The following PPARGC1B variants were observed in gnomAD, a reference collection of about 807,000 sequenced individuals.
The protein encoded by PPARGC1B is peroxisome proliferator-activated receptor gamma coactivator 1-beta.
PPARGC1B carries 34 observed loss-of-function variants against 101.6 expected under a neutral mutation model. The ratio of observed to expected loss-of-function variants is 0.33; its 90% CI spans 0.25 to 0.45. PPARGC1B has a LOEUF of 0.45. Among genes scored for constraint, PPARGC1B ranks in the 20% least tolerant of loss-of-function variants. The pLI is 1.00. For synonymous variants in PPARGC1B, 548 were observed against 539.3 expected, an observed-to-expected ratio of 1.02 and a Z score of -0.22; for missense variants, 1,234 against 1,317.6, an observed-to-expected ratio of 0.94 and a Z score of 0.98.
chr5:149,732,317 C>G (rs571933585), intron 1 of PPARGC1B, among the ~76,000 whole-genome samples: 1 of 152,188 alleles, frequency 6.6e-6, no homozygotes, highest in African/African-American at 2.4e-5. Flanking sequence ...CCTGGGGCGT[C>G]TCCGAATCTC....
intron 11 of PPARGC1B, 114 bp downstream of exon 11, chr5:149,846,028 C>A (rs1435476893): frequency 3.2e-6 from 4 of 1,248,938 alleles, no homozygotes; most frequent in Non-Finnish European, 4.6e-6. Flanking sequence ...TCCATCCCCA[C>A]ACCCCAGTGT....
At chr5:149,795,456 G>A (rs182047581) in intron 1 of PPARGC1B, among the ~76,000 whole-genome samples, 6 of 152,270 alleles carry the variant, frequency 3.9e-5, no homozygotes, top group South Asian at 2.1e-4. Flanking sequence ...AATCCCAGAC[G>A]TCTAGTCTCA....
intron 1 of PPARGC1B, chr5:149,772,023 G>T: frequency 6.7e-7 from 1 of 1,486,144 alleles, no homozygotes; most frequent in South Asian, 1.3e-5. Flanking sequence ...TCAGAGAAGT[G>T]AAGGTTTCCA....
At chr5:149,809,687 TAAAAAAAAAA>T (rs35168335) in intron 1 of PPARGC1B, among the ~76,000 whole-genome samples, 4 of 109,230 alleles carry the variant, frequency 3.7e-5, no homozygotes, top group African/African-American at 1.0e-4. Flanking sequence ...GATCCTTTCT[TAAAAAAAAAA>T]AAAAAAAAAA....
chr5:149,835,832 C>G (rs1231776045), intron 7 of PPARGC1B, among the ~76,000 whole-genome samples: 1 of 152,174 alleles, frequency 6.6e-6, no homozygotes, highest in South Asian at 2.1e-4. Context: ...TGGAGGATTC[C>G]CAGCCTACCT....
chr5:149,805,056 C>T (rs929713034), intron 1 of PPARGC1B, among the ~76,000 whole-genome samples: 1 of 152,204 alleles, frequency 6.6e-6, no homozygotes, highest in Non-Finnish European at 1.5e-5. Context: ...AAGCCCTGCC[C>T]CTCTTGATGG....
intron 1 of PPARGC1B, among the ~76,000 whole-genome samples, chr5:149,732,144 C>T (rs1325872056): frequency 6.6e-6 from 1 of 152,076 alleles, no homozygotes; most frequent in East Asian, 1.9e-4. Flanking sequence ...CTCCCGCCGT[C>T]GTCGCCGGGC....
At chr5:149,783,078 G>A (rs182609356) in intron 1 of PPARGC1B, among the ~76,000 whole-genome samples, 31 of 128,812 alleles carry the variant, frequency 2.4e-4, no homozygotes, top group Admixed American at 2.2e-3. Context: ...ATGTCACACT[G>A]GAATGAGAGA....
chr5:149,743,209 G>T (rs1410141771), intron 1 of PPARGC1B, among the ~76,000 whole-genome samples: 1 of 148,840 alleles, frequency 6.7e-6, no homozygotes, highest in Non-Finnish European at 1.5e-5. Context: ...AGGCTGGAGT[G>T]CAGTGGTGTG....
At chr5:149,769,198 T>G (rs1398292929) in intron 1 of PPARGC1B, among the ~76,000 whole-genome samples, 1 of 152,210 alleles carries the variant, frequency 6.6e-6, no homozygotes, top group Non-Finnish European at 1.5e-5. Context: ...GCTGCTGATC[T>G]TACAGGAGGT....
chr5:149,845,727 C>T, intron 10 of PPARGC1B, 33 bp from the exon 11 acceptor site: 1 of 1,568,236 alleles, frequency 6.4e-7, no homozygotes, highest in South Asian at 1.2e-5. Flanking sequence ...CCAGCCAGCC[C>T]AATAACATAC....
intron 1 of PPARGC1B, among the ~76,000 whole-genome samples, chr5:149,761,856 G>T (rs1484628220): frequency 3.3e-5 from 5 of 152,156 alleles, no homozygotes; most frequent in Admixed American, 3.3e-4. Flanking sequence ...GTGTTATCCC[G>T]TGGACATGTG....
intron 1 of PPARGC1B, among the ~76,000 whole-genome samples, chr5:149,754,381 A>G (rs1755430062): frequency 6.6e-6 from 1 of 152,076 alleles, no homozygotes; most frequent in African/African-American, 2.4e-5. Flanking sequence ...TCCAGACCTG[A>G]CTGCCTACCC....
intron 1 of PPARGC1B, among the ~76,000 whole-genome samples, chr5:149,811,285 T>A (rs1757849398): frequency 6.6e-6 from 1 of 152,236 alleles, no homozygotes; most frequent in Non-Finnish European, 1.5e-5. Context: ...GCAGTCTGAG[T>A]GCTGAATCTT....
intron 1 of PPARGC1B, among the ~76,000 whole-genome samples, chr5:149,794,825 A>G (rs1380730323): frequency 6.6e-6 from 1 of 152,230 alleles, no homozygotes; most frequent in Non-Finnish European, 1.5e-5. Context: ...TGTCTGCCCA[A>G]CACCTGCCCT....
Position 149,832,554 on chromosome 5 carries a change from A to G in PPARGC1B, c.583-102A>G. 2 of 954,470 alleles carry G rather than the reference A, an allele frequency of 2.1e-6. No individual in the cohort carries two copies. The highest frequency in any genetic ancestry group is 3.1e-6 in the Non-Finnish European group (2 of 644,100). The allele number at this position is 954,470 out of a possible 1,614,324, so 59.1% of individuals were successfully genotyped here. ...TGAAGGAAACCTGGCTGTTCCTATGATCCAGGTGAGACACAATGGGCCAGC... is the reference window on the plus strand; with the variant it reads ...TGAAGGAAACCTGGCTGTTCCTATGGTCCAGGTGAGACACAATGGGCCAGC... On this transcript the variant is annotated intron_variant, in intron 4 of 11. Transcript: ENST00000309241. This position sits in a 1 kb window ranked among gnomAD's most constrained non-coding sequence, Gnocchi z 4.9.
chr5:149,784,644 T>C (rs546930683), intron 1 of PPARGC1B, among the ~76,000 whole-genome samples: 14 of 142,112 alleles, frequency 9.9e-5, no homozygotes, highest in Admixed American at 7.4e-4. Context: ...CTCGGCTCAC[T>C]GCAAGATCCA....
At position 149,730,468 on chromosome 5, in the gene PPARGC1B, C is replaced by T. The variant is rs1475145557; in HGVS notation, c.78+48C>T. On this transcript the variant is annotated intron_variant, in intron 1 of 11. Coordinates refer to ENST00000309241, the MANE Select transcript of PPARGC1B (RefSeq NM_133263.4). The surrounding 1 kb of genome is among the most constrained non-coding windows in gnomAD (Gnocchi z 4.0). Reference sequence around the variant, plus strand: ...GCCCGGGGCCAGGGGTGCTGAGCTGCGGGGGCCGCAGCTGCAGCCGCGGAG... The same window carrying T: ...GCCCGGGGCCAGGGGTGCTGAGCTGTGGGGGCCGCAGCTGCAGCCGCGGAG... The T allele has an allele frequency of 2.8e-6, 4 of 1,436,790 alleles. No individual in the cohort carries two copies. Among genetic ancestry groups the T allele is most frequent in the Non-Finnish European group, 3.7e-6 (4 of 1,076,396 alleles). 89.0% of individuals were successfully genotyped at this position (1,436,790 alleles called of 1,614,324 possible). A position where few individuals can be genotyped will look rare whatever the true frequency, so the allele number is the denominator to read the frequency against.
At chr5:149,805,124 G>A (rs549332070) in intron 1 of PPARGC1B, among the ~76,000 whole-genome samples, 1 of 152,312 alleles carries the variant, frequency 6.6e-6, no homozygotes, top group South Asian at 2.1e-4. Context: ...ACTCTCAAAG[G>A]TACTAACAGG....
Sources: allele counts gnomAD v4.1 joint callset (sites outside exome capture counted in the v4.1 genomes callset), GRCh38; gene constraint gnomAD v4.1.1; non-coding constraint Gnocchi (gnomAD v3.1); transcripts MANE v1.5; gene names NCBI Gene and HGNC (gene_info 2026-07-23, HGNC 2026-07-21).